IFNG-AS1: variants seen among roughly 807,000 people sequenced by gnomAD.
IFNG-AS1 encodes the protein IFNG antisense RNA 1 (non-protein coding).
chr12:68,002,259 GGGAGT>G (rs1449155095), intron 2 of IFNG-AS1, among the ~76,000 whole-genome samples: 2 of 152,064 alleles, frequency 1.3e-5, no homozygotes, highest in African/African-American at 2.4e-5. Context: ...AGGTCATGGG[GGGAGT>G]GGCGAGAGAG....
intron 2 of IFNG-AS1, among the ~76,000 whole-genome samples, chr12:68,002,217 G>C (rs571154587): frequency 6.6e-6 from 1 of 152,316 alleles, no homozygotes; most frequent in South Asian, 2.1e-4. Flanking sequence ...ACAGGGCCAA[G>C]CCCTCCTCCT....
chr12:68,005,180 G>A (rs190668146), intron 2 of IFNG-AS1, among the ~76,000 whole-genome samples: 110 of 152,214 alleles, frequency 7.2e-4, no homozygotes, highest in African/African-American at 1.6e-3. Flanking sequence ...AAGGGGGAGC[G>A]GGTAATAATG....
chr12:67,990,792 C>T (rs907534154), intron 1 of IFNG-AS1, among the ~76,000 whole-genome samples: 4 of 152,050 alleles, frequency 2.6e-5, no homozygotes, highest in African/African-American at 9.7e-5. Context: ...TGGGGTTTCC[C>T]TATGTTGGCC....
chr12:67,995,538 T>C (rs1323225469), intron 1 of IFNG-AS1, among the ~76,000 whole-genome samples: 3 of 150,862 alleles, frequency 2.0e-5, no homozygotes, highest in Admixed American at 2.0e-4. Flanking sequence ...CTGAATAACA[T>C]GGTGAAACCC....
chr12:68,019,916 A>G (rs1390966950), intron 4 of IFNG-AS1: 2 of 152,206 alleles, frequency 1.3e-5, no homozygotes, highest in African/African-American at 4.8e-5. Flanking sequence ...AAAAGCTATG[A>G]GAGCCCAGAA....
chr12:67,994,142 A>G (rs1233796070), intron 1 of IFNG-AS1, among the ~76,000 whole-genome samples: 1 of 152,222 alleles, frequency 6.6e-6, no homozygotes, highest in East Asian at 1.9e-4. Flanking sequence ...GTTGTTGTAC[A>G]CAGGTTGAAT....
chr12:68,014,795 GACAC>G (rs10618483), intron 3 of IFNG-AS1, among the ~76,000 whole-genome samples: 10 of 150,748 alleles, frequency 6.6e-5, no homozygotes, highest in Non-Finnish European at 8.9e-5. Flanking sequence ...CACACACACA[GACAC>G]ACACACACAC....
intron 1 of IFNG-AS1, among the ~76,000 whole-genome samples, chr12:67,993,845 C>T (rs78898909): frequency 0.011 from 1,733 of 152,222 alleles, 38 homozygotes; most frequent in African/African-American, 0.039. Flanking sequence ...CTGAGTTGAA[C>T]ATAGGTTTGG....
chr12:68,015,603 C>T (rs1880133758), intron 3 of IFNG-AS1, among the ~76,000 whole-genome samples: 1 of 152,162 alleles, frequency 6.6e-6, no homozygotes, highest in South Asian at 2.1e-4. Flanking sequence ...GATCTACCCA[C>T]TACCTCACAT....
At chr12:68,003,154 AT>A (rs1414115373) in intron 2 of IFNG-AS1, among the ~76,000 whole-genome samples, 1 of 152,152 alleles carries the variant, frequency 6.6e-6, no homozygotes, top group East Asian at 1.9e-4. Flanking sequence ...AAAATATCTC[AT>A]TATTTCATTT....
At chr12:68,005,620 A>G (rs748171261) in intron 2 of IFNG-AS1, among the ~76,000 whole-genome samples, 8 of 152,240 alleles carry the variant, frequency 5.3e-5, no homozygotes, top group African/African-American at 9.6e-5. Context: ...TATTTATTCA[A>G]TAACTTGTCC....
intron 3 of IFNG-AS1, among the ~76,000 whole-genome samples, chr12:68,015,946 G>A (rs1031951742): frequency 3.3e-5 from 5 of 151,506 alleles, no homozygotes; most frequent in African/African-American, 9.7e-5. Flanking sequence ...CTAGAGACGG[G>A]GGGGGGAAAA....
intron 3 of IFNG-AS1, among the ~76,000 whole-genome samples, chr12:68,016,112 T>C (rs1880150491): frequency 6.6e-6 from 1 of 152,164 alleles, no homozygotes; most frequent in South Asian, 2.1e-4. Flanking sequence ...ATTATGCATT[T>C]AGTCATCATA....
chr12:68,015,943 CGG>C lies in IFNG-AS1; in HGVS notation n.242-3911_242-3910del, dbSNP rs55658866. Among the ~76,000 whole-genome samples the C allele has an allele frequency of 1.2e-4, 18 of 150,684 alleles. No homozygotes were observed. The East Asian group carries it at 1.6e-3, about 13-fold the overall frequency. On this transcript the variant is annotated intron_variant and non_coding_transcript_variant, in intron 3 of 5. Coordinates refer to ENST00000536914, the Ensembl canonical transcript of IFNG-AS1. Reference sequence around the variant, plus strand: ...CATTTTCCTATCTGAAAACTAGAGACGGGGGGGGGAAAAAAAACCTTTCCCAG... The same window carrying C: ...CATTTTCCTATCTGAAAACTAGAGACGGGGGGGAAAAAAAACCTTTCCCAG...
intron 3 of IFNG-AS1, among the ~76,000 whole-genome samples, chr12:68,008,153 A>T (rs1879946544): frequency 6.6e-6 from 1 of 152,222 alleles, no homozygotes; most frequent in Admixed American, 6.5e-5. Context: ...GCAGTGGCTC[A>T]TGCCTGTAAT....
intron 2 of IFNG-AS1, among the ~76,000 whole-genome samples, chr12:67,997,579 G>T (rs546508277): frequency 6.6e-6 from 1 of 150,796 alleles, no homozygotes; most frequent in African/African-American, 2.4e-5. Context: ...TCTATTTAAC[G>T]TTGGTATAGG....
intron 3 of IFNG-AS1, among the ~76,000 whole-genome samples, chr12:68,018,653 A>G (rs1880210638): frequency 1.3e-5 from 2 of 152,150 alleles, no homozygotes; most frequent in South Asian, 2.1e-4. Context: ...AACTTTACAA[A>G]ACCTTCCTTC....
chr12:68,012,293 G>A (rs1880050414), intron 3 of IFNG-AS1, among the ~76,000 whole-genome samples: 1 of 152,132 alleles, frequency 6.6e-6, no homozygotes. Flanking sequence ...GTTTGCAAAT[G>A]TTCCACCTTC....
At chr12:68,009,318 T>G (rs2906864) in intron 3 of IFNG-AS1, among the ~76,000 whole-genome samples, 53,485 of 152,070 alleles carry the variant, frequency 0.35, 10,243 homozygotes, top group Middle Eastern at 0.49. Flanking sequence ...CCAGCTGAAT[T>G]ATTACATTGG....
Sources: allele counts gnomAD v4.1 joint callset (sites outside exome capture counted in the v4.1 genomes callset), GRCh38; gene constraint gnomAD v4.1.1; transcripts MANE v1.5; gene names NCBI Gene and HGNC (gene_info 2026-07-23, HGNC 2026-07-21).